DRC11: variants seen among roughly 807,000 people sequenced by gnomAD.
DRC11 encodes dynein regulatory complex subunit 11, also known as IQ and AAA domain-containing protein 1.
At chr2:236,458,110 G>C in the DRC11 span, among the ~76,000 whole-genome samples, 1 of 152,108 alleles carries the variant, frequency 6.6e-6, no homozygotes, top group African/African-American at 2.4e-5. Flanking sequence ...GGCCAGGGGC[G>C]GGGTACAGGG....
At chr2:236,331,487 C>T in the DRC11 span, 2 of 1,614,050 alleles carry the variant, frequency 1.2e-6, no homozygotes, top group Non-Finnish European at 8.5e-7. This position sits in a 1 kb window ranked among gnomAD's most constrained non-coding sequence, Gnocchi z 4.8. Context: ...CCTTTAACCA[C>T]TTCGACTATA....
the DRC11 span, among the ~76,000 whole-genome samples, chr2:236,442,576 G>T: frequency 6.6e-6 from 1 of 152,082 alleles, no homozygotes; most frequent in Admixed American, 6.5e-5. Flanking sequence ...CCATGGATTT[G>T]TCTCGTGCCT....
chr2:236,356,324 C>T, the DRC11 span, among the ~76,000 whole-genome samples: 145 of 152,298 alleles, frequency 9.5e-4, no homozygotes, highest in African/African-American at 3.2e-3. Flanking sequence ...ACTGGCAAGG[C>T]GGATACAGGA....
the DRC11 span, among the ~76,000 whole-genome samples, chr2:236,323,648 C>G: frequency 6.6e-6 from 1 of 152,170 alleles, no homozygotes; most frequent in Admixed American, 6.5e-5. The surrounding 1 kb of genome is among the most constrained non-coding windows in gnomAD (Gnocchi z 6.4). Flanking sequence ...AACCTGGATG[C>G]CTGACCTGGT....
the DRC11 span, among the ~76,000 whole-genome samples, chr2:236,346,015 G>A: frequency 6.6e-6 from 1 of 152,214 alleles, no homozygotes; most frequent in African/African-American, 2.4e-5. Flanking sequence ...TGATTGAACT[G>A]GATCCTTGCG....
At chr2:236,355,387 A>G in the DRC11 span, among the ~76,000 whole-genome samples, 2 of 152,200 alleles carry the variant, frequency 1.3e-5, no homozygotes, top group African/African-American at 4.8e-5. Flanking sequence ...CTGCTCTGAA[A>G]AATAGTCTAT....
the DRC11 span, among the ~76,000 whole-genome samples, chr2:236,420,475 C>T: frequency 6.6e-6 from 1 of 152,078 alleles, no homozygotes; most frequent in Non-Finnish European, 1.5e-5. This position sits in a 1 kb window ranked among gnomAD's most constrained non-coding sequence, Gnocchi z 4.8. Context: ...CAGCAGTTGC[C>T]TTTGAAGATG....
At chr2:236,364,295 C>CTTTTT in the DRC11 span, among the ~76,000 whole-genome samples, 4,576 of 128,462 alleles carry the variant, frequency 0.036, 147 homozygotes, top group Non-Finnish European at 0.058. Context: ...TTACCTCTGG[C>CTTTTT]TTTTTTTTTT....
At chr2:236,491,106 G>A in the DRC11 span, among the ~76,000 whole-genome samples, 53 of 116,818 alleles carry the variant, frequency 4.5e-4, no homozygotes, top group Admixed American at 1.6e-3. Context: ...GTGTGTGTGT[G>A]TATATATATA....
the DRC11 span, chr2:236,363,968 C>T: frequency 6.2e-7 from 1 of 1,613,690 alleles, no homozygotes; most frequent in Non-Finnish European, 8.5e-7. The surrounding 1 kb of genome is among the most constrained non-coding windows in gnomAD (Gnocchi z 5.6). Flanking sequence ...TTCTCATGCA[C>T]TGCTGCAGAA....
the DRC11 span, among the ~76,000 whole-genome samples, chr2:236,441,352 T>C: frequency 6.6e-6 from 1 of 152,110 alleles, no homozygotes; most frequent in African/African-American, 2.4e-5. Flanking sequence ...AACATCTCTC[T>C]TTAAAACATA....
chr2:236,459,576 C>CATAT, the DRC11 span, among the ~76,000 whole-genome samples: 187 of 126,230 alleles, frequency 1.5e-3, 1 homozygote, highest in African/African-American at 5.2e-3. Context: ...TATGTGTATA[C>CATAT]ATACGTATAT....
At chr2:236,439,231 A>T in the DRC11 span, among the ~76,000 whole-genome samples, 1 of 152,050 alleles carries the variant, frequency 6.6e-6, no homozygotes, top group Non-Finnish European at 1.5e-5. Context: ...AGCAGAACTG[A>T]AGGAAATAGA....
the DRC11 span, among the ~76,000 whole-genome samples, chr2:236,357,512 A>G: frequency 2.4e-5 from 3 of 127,350 alleles, no homozygotes; most frequent in African/African-American, 3.1e-5. Context: ...TACATATTAT[A>G]AATATATTTA....
chr2:236,410,417 C>T, the DRC11 span, among the ~76,000 whole-genome samples: 3 of 152,140 alleles, frequency 2.0e-5, no homozygotes, highest in East Asian at 1.9e-4. Flanking sequence ...AATGGAAGAA[C>T]ATTCCATGCT....
the DRC11 span, among the ~76,000 whole-genome samples, chr2:236,405,234 T>C: frequency 1.3e-5 from 2 of 152,038 alleles, no homozygotes; most frequent in African/African-American, 4.8e-5. The surrounding 1 kb of genome is among the most constrained non-coding windows in gnomAD (Gnocchi z 4.6). Flanking sequence ...TCCATCTCCA[T>C]TGCTTTCCAC....
the DRC11 span, among the ~76,000 whole-genome samples, chr2:236,491,211 T>TATATATAC: frequency 2.1e-4 from 8 of 38,768 alleles, no homozygotes; most frequent in Admixed American, 3.5e-4. Context: ...TATATATATA[T>TATATATAC]ACACACAGTA....
the DRC11 span, among the ~76,000 whole-genome samples, chr2:236,499,848 A>G: frequency 6.6e-6 from 1 of 152,210 alleles, no homozygotes; most frequent in African/African-American, 2.4e-5. This position sits in a 1 kb window ranked among gnomAD's most constrained non-coding sequence, Gnocchi z 4.7. Context: ...ATAAGTATCC[A>G]TGGTTAACCA....
At chr2:236,384,478 T>C in the DRC11 span, among the ~76,000 whole-genome samples, 1 of 152,268 alleles carries the variant, frequency 6.6e-6, no homozygotes, top group Admixed American at 6.5e-5. Context: ...GAGAAGTGTC[T>C]GTTCATGTCC....
Sources: allele counts gnomAD v4.1 joint callset (sites outside exome capture counted in the v4.1 genomes callset), GRCh38; gene constraint gnomAD v4.1.1; non-coding constraint Gnocchi (gnomAD v3.1); transcripts MANE v1.5; gene names NCBI Gene and HGNC (gene_info 2026-07-23, HGNC 2026-07-21).